MIDEAS: variants seen among roughly 807,000 people sequenced by gnomAD.
MIDEAS encodes the protein mitotic deacetylase associated SANT domain protein.
MIDEAS carries 26 observed loss-of-function variants against 102.7 expected under a neutral mutation model. The observed-to-expected ratio is 0.25, with a 90% confidence interval of 0.19 to 0.35. MIDEAS has a LOEUF of 0.35. Among genes scored for constraint, MIDEAS ranks in the 10% least tolerant of loss-of-function variants. The pLI is 1.00. For missense variants in MIDEAS, 1,231 were observed against 1,435.6 expected (o/e 0.86, Z 2.30); for synonymous variants, 585 against 591.0 (o/e 0.99, Z 0.15).
chr14:73,726,079 C>T lies in MIDEAS; in HGVS notation c.2439G>A (p.Lys813=). 1 of 1,598,338 alleles carries T rather than the reference C, an allele frequency of 6.3e-7. No individual in the cohort carries two copies. The highest frequency in any genetic ancestry group is 8.5e-7 in the Non-Finnish European group (1 of 1,173,388). Residue 813 remains lysine (K), a synonymous_variant, in exon 8 of 13, where the codon AAG becomes AAA. Coordinates refer to ENST00000423556, the MANE Select transcript of MIDEAS (RefSeq NM_001367710.1). ...LETLNKLLLK[K]PLRPHNHPLA... ...GCGGATGGTTGTGGGGCCGCAGGGG[C>T]TTCTTCAGCAGCAGCTTATTCAGCG...
At chr14:73,721,758 C>T (rs1312614300) in intron 10 of MIDEAS, 2 of 453,598 alleles carry the variant, frequency 4.4e-6, no homozygotes, top group Non-Finnish European at 8.0e-6. Flanking sequence ...ACCAGTCACT[C>T]CCCATTGCCA....
Position 73,727,015 on chromosome 14 carries a change from G to A in MIDEAS, c.2163-43C>T, listed in dbSNP as rs537478902. 100 of 1,549,490 alleles carry A rather than the reference G, an allele frequency of 6.5e-5. No individual in the cohort carries two copies. The African/African-American group carries it at 1.3e-3, about 21-fold the overall frequency. ...GCAGGAAGTGAGGCCTCACCTTGCG[G>A]GGACGGAGAACTTGATGATCCCTCA... is the stretch of plus-strand genomic sequence containing the variant. On this transcript the variant is annotated intron_variant, in intron 5 of 12. Transcript: ENST00000423556.
In MIDEAS at chr14:73,725,653, C is replaced by T. The variant is rs2053051062; in HGVS notation, c.2486-293G>A. ...ATGTAGCACTAACATGCATGGAAAA[C>T]ATTGGCTGTTAGGATTATGTGACTC... On this transcript the variant is annotated intron_variant, in intron 8 of 12. Transcript: ENST00000423556. This position sits in a 1 kb window ranked among gnomAD's most constrained non-coding sequence, Gnocchi z 4.1. 1.3e-5 allele frequency among the ~76,000 whole-genome samples: 2 copies of T among 152,234 alleles called. No homozygotes were observed. Among genetic ancestry groups the T allele is most frequent in the African/African-American group, 4.8e-5 (2 of 41,456 alleles).
upstream of MIDEAS, among the ~76,000 whole-genome samples, chr14:73,761,919 C>T (rs989675496): frequency 1.3e-5 from 2 of 152,196 alleles, no homozygotes; most frequent in African/African-American, 2.4e-5. Flanking sequence ...AATTGAGGAA[C>T]TGCAGTGCTC....
intron 1 of MIDEAS, among the ~76,000 whole-genome samples, chr14:73,750,147 C>G (rs1253734673): frequency 6.6e-6 from 1 of 152,170 alleles, no homozygotes; most frequent in Non-Finnish European, 1.5e-5. Context: ...TCTACAAATT[C>G]GAATCCATGC....
At chr14:73,773,134 G>A (rs1353901684) in intron 1 of MIDEAS, among the ~76,000 whole-genome samples, 2 of 148,740 alleles carry the variant, frequency 1.3e-5, no homozygotes, top group Admixed American at 6.7e-5. Context: ...CACCACGCCT[G>A]GCTTCTCATA....
intron 1 of MIDEAS, among the ~76,000 whole-genome samples, chr14:73,773,706 A>C (rs1469039602): frequency 6.6e-6 from 1 of 151,928 alleles, no homozygotes; most frequent in Non-Finnish European, 1.5e-5. Context: ...GGGTGGCTCA[A>C]CTTCAAGAAA....
At chr14:73,734,262 C>T (rs776664170) in intron 3 of MIDEAS, among the ~76,000 whole-genome samples, 5 of 152,158 alleles carry the variant, frequency 3.3e-5, no homozygotes, top group Admixed American at 2.0e-4. Context: ...GGATTACAGA[C>T]GTGAGCCACT....
In MIDEAS at chr14:73,722,781, C is replaced by T. The variant is rs754529421; in HGVS notation, c.2641G>A (p.Gly881Ser). 1 of 1,614,190 alleles carries T rather than the reference C, an allele frequency of 6.2e-7. No homozygotes were observed. The highest frequency in any genetic ancestry group is 8.5e-7 in the Non-Finnish European group (1 of 1,180,028). ...CCAAAGGTTAGAGTCCCATTGCGGC[C>T]GATTTTCACCTGCTTCTTGTAGGTG... The part of the protein sequence containing the change: ...YYTYKKQVKI[G>S]RNGTLTFGDV... The change falls in exon 10 of 13, where the codon GGC (glycine) becomes AGC (serine). Residue 881 changes from glycine to serine, a missense_variant. Gly to Ser is a moderately conservative substitution (Grantham distance 56). Around this residue, in one of 5 missense-constraint regions of MIDEAS, gnomAD observed 391 missense variants for 483.0 expected, o/e 0.81. Coordinates refer to ENST00000423556, the MANE Select transcript of MIDEAS (RefSeq NM_001367710.1).
At chr14:73,763,634 A>G (rs1366013812), upstream of MIDEAS, among the ~76,000 whole-genome samples, 1 of 152,164 alleles carries the variant, frequency 6.6e-6, no homozygotes, top group South Asian at 2.1e-4. Context: ...TGGGAGTACA[A>G]ATATTGTTGA....
intron 11 of MIDEAS, among the ~76,000 whole-genome samples, chr14:73,720,630 G>A (rs2052976957): frequency 6.6e-6 from 1 of 152,130 alleles, no homozygotes; most frequent in African/African-American, 2.4e-5. Flanking sequence ...CCCTTTCTGG[G>A]AGAACTCTCC....
intron 1 of MIDEAS, among the ~76,000 whole-genome samples, chr14:73,745,292 C>T (rs1311575282): frequency 2.0e-5 from 3 of 152,216 alleles, no homozygotes; most frequent in Non-Finnish European, 2.9e-5. Context: ...CCTTGACTGT[C>T]ACCTGCTGCC....
intron 1 of MIDEAS, among the ~76,000 whole-genome samples, chr14:73,782,119 A>C (rs1481280206): frequency 6.6e-6 from 1 of 152,208 alleles, no homozygotes; most frequent in Admixed American, 6.5e-5. Context: ...TGCATTTTAT[A>C]GTATGTGAAT....
intron 1 of MIDEAS, among the ~76,000 whole-genome samples, chr14:73,776,547 A>C (rs2053690309): frequency 7.0e-6 from 1 of 143,402 alleles, no homozygotes; most frequent in South Asian, 2.3e-4. Context: ...AAAAAAAAAA[A>C]GATGTGGATG....
In MIDEAS at chr14:73,718,696, G is replaced by A. The variant is rs1049452208; in HGVS notation, c.*147C>T. ...CAGGGCCTTCATAAATAAAAGAGCC[G>A]TTTATGTCATTGTCTCATTTGTTTC... On this transcript the variant is annotated 3_prime_UTR_variant, in exon 13 of 13. Coordinates refer to ENST00000423556, the MANE Select transcript of MIDEAS (RefSeq NM_001367710.1). 2.4e-6 allele frequency: 2 copies of A among 823,612 alleles called. No individual in the cohort carries two copies. The highest frequency in any genetic ancestry group is 3.4e-6 in the Non-Finnish European group (2 of 594,458). The allele number at this position is 823,612 out of a possible 1,614,324, so 51.0% of individuals were successfully genotyped here. A position where few individuals can be genotyped will look rare whatever the true frequency, so the allele number is the denominator to read the frequency against.
chr14:73,744,204 C>T (rs1414577597), intron 1 of MIDEAS, among the ~76,000 whole-genome samples: 8 of 152,182 alleles, frequency 5.3e-5, no homozygotes. Context: ...CCCCAAATGC[C>T]ATCGGCAGCC....
chr14:73,722,620 C>T (rs1002116718), intron 10 of MIDEAS, 78 bp downstream of exon 10: 12 of 1,545,180 alleles, frequency 7.8e-6, no homozygotes, highest in African/African-American at 4.1e-5. Flanking sequence ...CTGGAGAGCT[C>T]GGGCTCGGGC....
chr14:73,746,564 C>T (rs865856680), intron 1 of MIDEAS, among the ~76,000 whole-genome samples: 28 of 152,310 alleles, frequency 1.8e-4, no homozygotes, highest in Middle Eastern at 3.4e-3. Context: ...CTCCTCAAAA[C>T]AGTCTCTATG....
intron 1 of MIDEAS, among the ~76,000 whole-genome samples, chr14:73,768,848 GA>G (rs977393715): frequency 1.5e-3 from 230 of 151,924 alleles, no homozygotes; most frequent in African/African-American, 5.3e-3. Context: ...GCTTGTCATG[GA>G]AAAAAAATTG....
Sources: allele counts gnomAD v4.1 joint callset (sites outside exome capture counted in the v4.1 genomes callset), GRCh38; gene constraint gnomAD v4.1.1; regional missense constraint gnomAD v4.1.1; non-coding constraint Gnocchi (gnomAD v3.1); transcripts MANE v1.5; gene names NCBI Gene and HGNC (gene_info 2026-07-23, HGNC 2026-07-21).